The following KALRN variants were observed in gnomAD, a reference collection of about 807,000 sequenced individuals.
KALRN encodes kalirin RhoGEF kinase.
A neutral mutation model predicts 353.7 loss-of-function variants in KALRN; 70 were observed. The observed-to-expected ratio is 0.20, with a 90% CI of 0.16 to 0.24. The LOEUF is 0.24. KALRN is among the 10% of genes least tolerant of loss of function. The pLI is 1.00. For synonymous variants in KALRN, 1,391 were observed against 1,434.8 expected (o/e 0.97, Z 0.69); for missense variants, 2,791 against 3,756.7 (o/e 0.74, Z 6.72).
At chr3:124,088,270 A>G (rs2060929046) in intron 1 of KALRN, among the ~76,000 whole-genome samples, 1 of 152,200 alleles carries the variant, frequency 6.6e-6, no homozygotes, top group African/African-American at 2.4e-5. Context: ...CACAAGGTAT[A>G]GTCAAAACAG....
At chr3:124,553,923 T>C (rs1271314037) in intron 33 of KALRN, among the ~76,000 whole-genome samples, 2 of 152,248 alleles carry the variant, frequency 1.3e-5, no homozygotes, top group African/African-American at 4.8e-5. Context: ...GAGATGAAGA[T>C]AGAAGGGAGA....
chr3:124,439,202 A>T (rs34097166), intron 18 of KALRN, among the ~76,000 whole-genome samples, 165 bp downstream of exon 18: 1,167 of 29,432 alleles, frequency 0.04, 10 homozygotes, highest in South Asian at 0.12. Context: ...TCTCTCTCTC[A>T]CACACACACA....
chr3:124,558,578 C>G (rs189156972), intron 33 of KALRN, among the ~76,000 whole-genome samples: 2 of 152,312 alleles, frequency 1.3e-5, no homozygotes, highest in East Asian at 3.9e-4. Context: ...TGCGCCCAGC[C>G]CAGAACTTAT....
intron 58 of KALRN, among the ~76,000 whole-genome samples, chr3:124,714,179 G>T (rs566895324): frequency 2.0e-5 from 3 of 152,156 alleles, no homozygotes; most frequent in African/African-American, 4.8e-5. Flanking sequence ...TGTCACTTTA[G>T]ACTTAACAGA....
chr3:124,087,614 T>A (rs2060891682), intron 1 of KALRN, among the ~76,000 whole-genome samples: 1 of 152,182 alleles, frequency 6.6e-6, no homozygotes, highest in African/African-American at 2.4e-5. Context: ...CATCAATTTA[T>A]CATTCTCATA....
intron 25 of KALRN, among the ~76,000 whole-genome samples, chr3:124,467,689 G>T (rs2060476984): frequency 6.6e-6 from 1 of 152,206 alleles, no homozygotes. Context: ...AGGTCTCATT[G>T]TCGCACTCCC....
At chr3:124,532,423 A>G (rs973750569) in intron 33 of KALRN, among the ~76,000 whole-genome samples, 1 of 152,230 alleles carries the variant, frequency 6.6e-6, no homozygotes, top group Non-Finnish European at 1.5e-5. Flanking sequence ...CTGGGTTGGA[A>G]TCAGGAAATT....
chr3:124,099,095 T>A (rs2061655894), intron 1 of KALRN, among the ~76,000 whole-genome samples: 1 of 152,230 alleles, frequency 6.6e-6, no homozygotes, highest in South Asian at 2.1e-4. Context: ...CCTCGAACGT[T>A]TCTTATTTAT....
chr3:124,127,053 C>T (rs1299680452), intron 1 of KALRN, among the ~76,000 whole-genome samples: 3 of 152,090 alleles, frequency 2.0e-5, no homozygotes, highest in African/African-American at 7.2e-5. Context: ...GACAGGAGCC[C>T]CAAGCTGCCA....
At chr3:124,561,619 G>A (rs1268153307) in intron 33 of KALRN, among the ~76,000 whole-genome samples, 1 of 152,144 alleles carries the variant, frequency 6.6e-6, no homozygotes, top group Non-Finnish European at 1.5e-5. Context: ...CAACATATTT[G>A]GACAAGTGCA....
intron 10 of KALRN, among the ~76,000 whole-genome samples, chr3:124,367,504 C>A (rs1401975843): frequency 1.3e-5 from 1 of 78,928 alleles, no homozygotes; most frequent in Non-Finnish European, 2.5e-5. Context: ...GCTGGCCGGG[C>A]GGGGGGGCTG....
At chr3:124,642,620 TTG>T (rs888195023) in intron 37 of KALRN, among the ~76,000 whole-genome samples, 1 of 152,086 alleles carries the variant, frequency 6.6e-6, no homozygotes, top group African/African-American at 2.4e-5. Flanking sequence ...CAGGCTGTAT[TTG>T]TGTGTGTGCT....
intron 37 of KALRN, among the ~76,000 whole-genome samples, chr3:124,647,577 C>A (rs1184756988): frequency 1.3e-5 from 2 of 152,222 alleles, no homozygotes; most frequent in African/African-American, 4.8e-5. Flanking sequence ...GAGCCACCTG[C>A]TCCTTTTGTT....
chr3:124,378,772 T>G (rs2149869562), intron 10 of KALRN, among the ~76,000 whole-genome samples: 1 of 152,158 alleles, frequency 6.6e-6, no homozygotes, highest in Non-Finnish European at 1.5e-5. Flanking sequence ...CAATAACAAG[T>G]CTGCTATCAT....
intron 34 of KALRN, among the ~76,000 whole-genome samples, chr3:124,596,804 T>C (rs1003252579): frequency 6.6e-6 from 1 of 152,188 alleles, no homozygotes; most frequent in African/African-American, 2.4e-5. Flanking sequence ...TCCCAACACT[T>C]TGGGAGGCCG....
chr3:124,464,855 A>G (rs1401479280), intron 25 of KALRN, among the ~76,000 whole-genome samples: 2 of 128,904 alleles, frequency 1.6e-5, no homozygotes, highest in Non-Finnish European at 3.2e-5. Context: ...AGGCAATAGA[A>G]CCAAAAAAAA....
chr3:124,284,229 C>A (rs151023269), intron 5 of KALRN, among the ~76,000 whole-genome samples: 1 of 152,230 alleles, frequency 6.6e-6, no homozygotes, highest in East Asian at 1.9e-4. Flanking sequence ...ACACTCACTT[C>A]GTAGTTAAAA....
intron 34 of KALRN, among the ~76,000 whole-genome samples, chr3:124,623,240 T>TTGCTGGGATTACAATCCCAAAG (rs1455387786): frequency 6.6e-6 from 1 of 151,730 alleles, no homozygotes; most frequent in Non-Finnish European, 1.5e-5. Flanking sequence ...CTGCCTCGGA[T>TTGCTGGGATTACAATCCCAAAG]TGCTGGGATT....
At chr3:124,330,198 A>C (rs183469328) in intron 8 of KALRN, among the ~76,000 whole-genome samples, 1 of 150,520 alleles carries the variant, frequency 6.6e-6, no homozygotes, top group Non-Finnish European at 1.5e-5. Context: ...TGGGGCCATT[A>C]TTAGGCACCA....
Sources: allele counts gnomAD v4.1 joint callset (sites outside exome capture counted in the v4.1 genomes callset), GRCh38; gene constraint gnomAD v4.1.1; transcripts MANE v1.5; gene names NCBI Gene and HGNC (gene_info 2026-07-23, HGNC 2026-07-21).